ERG: variants seen among roughly 807,000 people sequenced by gnomAD.
The protein encoded by ERG is ETS transcription factor ERG, also known as transcriptional regulator ERG.
In ERG, 9 loss-of-function variants were observed where a neutral mutation model predicts 55.3. The ratio of observed to expected loss-of-function variants is 0.16; its 90% CI spans 0.10 to 0.28. ERG has a LOEUF of 0.28. Ranked by LOEUF, ERG falls within the 10% of genes least tolerant of loss-of-function variation. The pLI, the probability that ERG is intolerant of heterozygous loss-of-function variation, is 1.00. For synonymous variants in ERG, 223 were observed against 237.3 expected (o/e 0.94, Z 0.55); for missense variants, 434 against 631.6 (o/e 0.69, Z 3.35).
intron 1 of ERG, among the ~76,000 whole-genome samples, chr21:38,450,017 A>G (rs185738626): frequency 5.3e-5 from 8 of 152,250 alleles, no homozygotes; most frequent in Non-Finnish European, 8.8e-5. Context: ...CTTATATGCT[A>G]TAATTATTTG....
At chr21:38,538,296 G>A (rs1471978672) in intron 2 of ERG, among the ~76,000 whole-genome samples, 2 of 151,880 alleles carry the variant, frequency 1.3e-5, no homozygotes, top group Admixed American at 6.6e-5. Context: ...CCACTCAACT[G>A]TACACTAAAA....
At chr21:38,388,148 T>C (rs1173702659) in intron 9 of ERG, among the ~76,000 whole-genome samples, 4 of 152,228 alleles carry the variant, frequency 2.6e-5, no homozygotes, top group South Asian at 2.1e-4. Context: ...ATGTGCACCA[T>C]TGAAGAGTAT....
intron 1 of ERG, among the ~76,000 whole-genome samples, chr21:38,650,968 C>A (rs1437064200): frequency 6.6e-6 from 1 of 152,184 alleles, no homozygotes; most frequent in Non-Finnish European, 1.5e-5. Context: ...TTGTATTATT[C>A]TCAAGAAACA....
chr21:38,398,198 C>T (rs1718468179), intron 6 of ERG, among the ~76,000 whole-genome samples: 1 of 152,122 alleles, frequency 6.6e-6, no homozygotes, highest in South Asian at 2.1e-4. Context: ...AGCTCTTCCC[C>T]CTCAGCCATC....
intron 1 of ERG, among the ~76,000 whole-genome samples, chr21:38,596,433 A>G (rs1303926166): frequency 2.0e-5 from 3 of 152,206 alleles, no homozygotes; most frequent in African/African-American, 7.2e-5. Flanking sequence ...CAGCAGAGAA[A>G]GCAAACAGGA....
upstream of ERG, among the ~76,000 whole-genome samples, chr21:38,501,257 C>G: frequency 6.6e-6 from 1 of 151,400 alleles, no homozygotes; most frequent in Non-Finnish European, 1.5e-5. Context: ...TTAGTAGAGA[C>G]GGGGTTTCAC....
At chr21:38,491,242 G>A (rs967031463) in intron 1 of ERG, among the ~76,000 whole-genome samples, 63 of 150,728 alleles carry the variant, frequency 4.2e-4, no homozygotes, top group African/African-American at 1.4e-3. Context: ...AAAACCCGAT[G>A]AAACCCAAAG....
At chr21:38,582,692 T>A (rs1005712153) in intron 1 of ERG, among the ~76,000 whole-genome samples, 1 of 152,192 alleles carries the variant, frequency 6.6e-6, no homozygotes, top group Non-Finnish European at 1.5e-5. Context: ...GTAATCATTA[T>A]AATTAAGAAA....
At chr21:38,574,775 C>T (rs1451852204) in intron 2 of ERG, among the ~76,000 whole-genome samples, 2 of 152,210 alleles carry the variant, frequency 1.3e-5, no homozygotes, top group Non-Finnish European at 2.9e-5. Context: ...AAACCAACCA[C>T]ACCACTTAGG....
chr21:38,496,857 A>G (rs11910637), intron 1 of ERG, among the ~76,000 whole-genome samples: 47,882 of 151,574 alleles, frequency 0.32, 8,992 homozygotes, highest in Non-Finnish European at 0.42. Flanking sequence ...GTTTTTTGGG[A>G]AAAAAAACCA....
At chr21:38,531,054 T>C (rs1976171149) in intron 2 of ERG, among the ~76,000 whole-genome samples, 1 of 152,094 alleles carries the variant, frequency 6.6e-6, no homozygotes, top group African/African-American at 2.4e-5. Context: ...ATTGGGGTGG[T>C]GGGCAGGGAG....
intron 1 of ERG, among the ~76,000 whole-genome samples, chr21:38,463,103 A>G (rs571077443): frequency 6.6e-6 from 1 of 152,284 alleles, no homozygotes; most frequent in South Asian, 2.1e-4. Context: ...GCACTCCCCA[A>G]TTAATGTTAA....
At chr21:38,657,121 CA>C (rs5843924) in intron 1 of ERG, among the ~76,000 whole-genome samples, 123,388 of 151,686 alleles carry the variant, frequency 0.81, 50,532 homozygotes, top group African/African-American at 0.92. Flanking sequence ...GGGATAATAA[CA>C]AAAAAAAAGA....
chr21:38,641,296 A>C (rs1301916977), intron 1 of ERG, among the ~76,000 whole-genome samples: 2 of 152,170 alleles, frequency 1.3e-5, no homozygotes, highest in Non-Finnish European at 2.9e-5. Context: ...CACCCCTTCT[A>C]CCATTTGAGG....
chr21:38,570,100 A>T (rs960476801), intron 2 of ERG, among the ~76,000 whole-genome samples: 2 of 152,244 alleles, frequency 1.3e-5, no homozygotes, highest in African/African-American at 4.8e-5. Flanking sequence ...GGCTAGGCAC[A>T]TCTTCAGCTT....
intron 2 of ERG, among the ~76,000 whole-genome samples, chr21:38,536,223 T>C (rs952357418): frequency 5.3e-5 from 8 of 152,122 alleles, no homozygotes; most frequent in African/African-American, 1.2e-4. Flanking sequence ...ACCTGACTTA[T>C]ACTTAGGGGC....
intron 1 of ERG, among the ~76,000 whole-genome samples, chr21:38,659,780 TCTG>T (rs1421221457): frequency 6.6e-6 from 1 of 152,244 alleles, no homozygotes; most frequent in African/African-American, 2.4e-5. Context: ...CGCAGTGTAG[TCTG>T]CTATTAATAA....
chr21:38,573,047 T>C (rs1313721272), intron 2 of ERG, among the ~76,000 whole-genome samples: 2 of 152,214 alleles, frequency 1.3e-5, no homozygotes, highest in Non-Finnish European at 2.9e-5. Flanking sequence ...AAAACATGTG[T>C]TGTATAAAAT....
At chr21:38,645,916 A>G (rs1168934095) in intron 1 of ERG, among the ~76,000 whole-genome samples, 1 of 152,140 alleles carries the variant, frequency 6.6e-6, no homozygotes, top group Non-Finnish European at 1.5e-5. Flanking sequence ...ATGGCCCAGG[A>G]AGACGTCGAC....
Sources: allele counts gnomAD v4.1 joint callset (sites outside exome capture counted in the v4.1 genomes callset), GRCh38; gene constraint gnomAD v4.1.1; transcripts MANE v1.5; gene names NCBI Gene and HGNC (gene_info 2026-07-23, HGNC 2026-07-21).